The following MGAM2 variants were observed in gnomAD, a reference collection of about 807,000 sequenced individuals.
MGAM2 encodes the protein maltase-glucoamylase 2 (putative).
A neutral mutation model predicts 96.1 loss-of-function variants in MGAM2; 98 were observed. The ratio of observed to expected loss-of-function variants is 1.02; its 90% confidence interval spans 0.87 to 1.21. MGAM2 has a LOEUF of 1.21. MGAM2 is among the 50% of genes most tolerant of loss of function. MGAM2 has a pLI of 0.00. For missense variants in MGAM2, 2,055 were observed against 1,182.4 expected (o/e 1.74, Z -10.82); for synonymous variants, 749 against 414.8 (o/e 1.81, Z -9.79).
rs1279935047 is a variant in MGAM2, at chr7:142,221,079, G to C, written c.6568G>C (p.Gly2190Arg). 3 of 702,314 alleles carry C rather than the reference G, an allele frequency of 4.3e-6. No homozygotes were observed. Among genetic ancestry groups the C allele is most frequent in the Non-Finnish European group, 7.8e-6 (3 of 384,736 alleles). The allele number at this position is 702,314 out of a possible 1,614,324, so 43.5% of individuals were successfully genotyped here. ...VTAIPSLANT[G>R]VDTTSNSFSI... is the part of the protein sequence containing the mutation. ...AGCTATTCCTTCTCTTGCAAATACT[G>C]GTGTTGACACTACTAGCAACAGTTT... The change falls in exon 48 of 48, where the codon GGT becomes CGT. Residue 2190 changes from glycine to arginine, a missense_variant. Coordinates refer to ENST00000477922, the MANE Select transcript of MGAM2 (RefSeq NM_001293626.2).
chr7:142,219,635 G>A (rs1232363503), intron 47 of MGAM2, among the ~76,000 whole-genome samples: 1 of 152,102 alleles, frequency 6.6e-6, no homozygotes, highest in Admixed American at 6.6e-5. Flanking sequence ...ATAAGGTTCT[G>A]ACTAAATGAA....
chr7:142,183,219 T>A, intron 32 of MGAM2, 47 bp from the exon 33 acceptor site: 1 of 675,672 alleles, frequency 1.5e-6, no homozygotes, highest in East Asian at 2.7e-5. Flanking sequence ...GAAATTTTCT[T>A]AGAGATGTTT....
intron 30 of MGAM2, 141 bp from the exon 31 acceptor site, chr7:142,173,088 A>G (rs1419927738): frequency 1.8e-6 from 1 of 563,562 alleles, no homozygotes; most frequent in South Asian, 2.5e-5. Context: ...GTTGCTCCAC[A>G]TTTGTTGGAC....
intron 15 of MGAM2, among the ~76,000 whole-genome samples, chr7:142,153,459 A>G (rs537220258): frequency 2.0e-5 from 3 of 152,324 alleles, no homozygotes; most frequent in Middle Eastern, 3.4e-3. Context: ...TGCATAGATT[A>G]AAATTTGCTA....
intron 14 of MGAM2, among the ~76,000 whole-genome samples, chr7:142,147,129 T>G (rs1483377119): frequency 6.6e-6 from 1 of 152,178 alleles, no homozygotes; most frequent in African/African-American, 2.4e-5. Context: ...TTGATTAAAT[T>G]TATGTAGATA....
intron 3 of MGAM2, among the ~76,000 whole-genome samples, chr7:142,123,963 C>CTTTTTTTTT (rs960655956): frequency 1.0e-5 from 1 of 98,098 alleles, no homozygotes; most frequent in African/African-American, 5.4e-5. Context: ...AGTCCAGAAA[C>CTTTTTTTTT]TTTTTTTTTT....
At chr7:142,149,691 C>T (rs1415919051) in intron 15 of MGAM2, among the ~76,000 whole-genome samples, 1 of 152,010 alleles carries the variant, frequency 6.6e-6, no homozygotes, top group African/African-American at 2.4e-5. Context: ...CAGGCAGCTG[C>T]CACCACGCCC....
rs1005165359 is a variant in MGAM2 at position 142,139,333 on chromosome 7, G to A, written c.1086+666G>A. 1.3e-4 allele frequency among the ~76,000 whole-genome samples: 20 copies of A among 152,204 alleles called. No homozygotes were observed. In the East Asian group the frequency reaches 3.9e-3, roughly 29 times the overall value. On this transcript the variant is annotated intron_variant, in intron 10 of 47. Coordinates refer to ENST00000477922, the MANE Select transcript of MGAM2 (RefSeq NM_001293626.2). ...AATTTATCAAAACAACTTATTGGGG[G>A]TAGCTCTTTGGGATTTTGAAACTTT...
At chr7:142,200,109 T>C (rs1466705849) in intron 45 of MGAM2, 141 bp downstream of exon 45, 1 of 477,702 alleles carries the variant, frequency 2.1e-6, no homozygotes, top group Non-Finnish European at 3.7e-6. Flanking sequence ...TTTTTCCAAC[T>C]TTTGCCTGCT....
rs543873367 is a variant in MGAM2, at chr7:142,188,521, T to A, written c.4207+687T>A. Among the ~76,000 whole-genome samples, 3 of 152,274 alleles carry A rather than the reference T, an allele frequency of 2.0e-5. No individual in the cohort carries two copies. In the South Asian group the frequency reaches 6.2e-4, roughly 32 times the overall value. The stretch of plus-strand genomic sequence containing the variant: ...TATACCAGTAATCTATGGGACAGAA[T>A]CTAGAATTCAAGTTTCTTGATGTCT... On this transcript the variant is annotated intron_variant, in intron 36 of 47. Transcript: ENST00000477922.
At chr7:142,175,938 T>C (rs1483120295) in intron 32 of MGAM2, among the ~76,000 whole-genome samples, 158 bp downstream of exon 32, 1 of 152,028 alleles carries the variant, frequency 6.6e-6, no homozygotes, top group Non-Finnish European at 1.5e-5. Flanking sequence ...TCTATAATTA[T>C]TATTTTTTAA....
At chr7:142,131,454 A>G in intron 4 of MGAM2, 64 bp from the exon 5 acceptor site, 1 of 678,110 alleles carries the variant, frequency 1.5e-6, no homozygotes. Flanking sequence ...AAACAAAAAC[A>G]AAACAAAACC....
At chr7:142,188,313 G>A (rs773856299) in intron 36 of MGAM2, among the ~76,000 whole-genome samples, 5 of 152,080 alleles carry the variant, frequency 3.3e-5, no homozygotes, top group Non-Finnish European at 7.3e-5. Flanking sequence ...GAATCTTCTC[G>A]TGTTGCAGAG....
chr7:142,197,854 C>T (rs1797100330), intron 42 of MGAM2, 126 bp downstream of exon 42: 4 of 632,866 alleles, frequency 6.3e-6, no homozygotes, highest in Non-Finnish European at 1.1e-5. Context: ...TCTAGAACAT[C>T]TACAGGAGAT....
intron 46 of MGAM2, among the ~76,000 whole-genome samples, chr7:142,216,214 T>G (rs894131273): frequency 3.9e-5 from 6 of 152,334 alleles, no homozygotes; most frequent in African/African-American, 1.4e-4. Flanking sequence ...TAAGAGTAGT[T>G]GGGTTGAAGA....
rs1431555738 is a variant in MGAM2, at chr7:142,164,989, C to G, written c.2618C>G (p.Ser873Cys). The G allele has an allele frequency of 4.3e-6, 3 of 702,308 alleles. No individual in the cohort carries two copies. In the South Asian group the frequency reaches 4.4e-5, roughly 10 times the overall value. The allele number at this position is 702,308 out of a possible 1,614,324, so 43.5% of individuals were successfully genotyped here. The change falls in exon 24 of 48, where the codon TCC (serine) becomes TGC (cysteine). Residue 873 changes from serine to cysteine, a missense_variant. Physicochemically the swap from Ser to Cys is moderately radical, Grantham distance 112. Coordinates refer to ENST00000477922, the MANE Select transcript of MGAM2 (RefSeq NM_001293626.2). ...FIVLLNNVAT[S>C]SPSVVYNAST... Reference sequence around the variant, plus strand: ...GTCCTACTGAATAATGTTGCCACCTCCAGTCCAAGCGTTGTCTACAATGCT... The same window carrying G: ...GTCCTACTGAATAATGTTGCCACCTGCAGTCCAAGCGTTGTCTACAATGCT...
intron 9 of MGAM2, 94 bp downstream of exon 9, chr7:142,137,639 CTG>C (rs1289240501): frequency 3.7e-5 from 18 of 484,244 alleles, no homozygotes; most frequent in African/African-American, 3.0e-4. Flanking sequence ...TATTAGTAAA[CTG>C]TATGGATTAT....
chr7:142,193,130 C>T (rs1190877705), intron 37 of MGAM2, among the ~76,000 whole-genome samples: 1 of 152,168 alleles, frequency 6.6e-6, no homozygotes, highest in African/African-American at 2.4e-5. Context: ...TCTTTCCATA[C>T]ATGATATATA....
At position 142,208,599 on chromosome 7, in the gene MGAM2, T is replaced by C. The variant is rs1358653158; in HGVS notation, c.5164T>C (p.Leu1722=). 2 of 702,882 alleles carry C rather than the reference T, an allele frequency of 2.8e-6. No homozygotes were observed. The highest frequency in any genetic ancestry group is 2.7e-5 in the East Asian group (1 of 37,278). 43.5% of individuals were successfully genotyped at this position (702,882 alleles called of 1,614,324 possible). A position where few individuals can be genotyped will look rare whatever the true frequency, so the allele number is the denominator to read the frequency against. ...TACCTATGAAAATGGAAATTATTTT[T>C]TGGCAAACTTTATAGCAGCTCAGGT... The part of the protein sequence containing the change: ...IDTYENGNYF[L]ANFIAAQNIL... The change falls in exon 46 of 48, where the codon TTG becomes CTG. Residue 1722 remains leucine, a synonymous_variant. Coordinates refer to ENST00000477922, the MANE Select transcript of MGAM2 (RefSeq NM_001293626.2).
Sources: gnomAD v4.1 joint callset for allele counts (sites outside exome capture counted in the v4.1 genomes callset) on GRCh38, gnomAD v4.1.1 for gene constraint, MANE v1.5 for transcripts, NCBI Gene and HGNC (gene_info 2026-07-23, HGNC 2026-07-21) for gene names.